The following MAST2 variants were observed in gnomAD, a reference collection of about 807,000 sequenced individuals.
The protein encoded by MAST2 is microtubule associated serine/threonine kinase 2.
A neutral mutation model predicts 147.4 loss-of-function variants in MAST2; 70 were observed. The ratio of observed to expected loss-of-function variants is 0.47; its 90% CI spans 0.39 to 0.58. MAST2 has a LOEUF of 0.58. Among genes scored for constraint, MAST2 ranks in the 20% least tolerant of loss-of-function variants. The probability of loss-of-function intolerance (pLI) is 0.00; values close to 1 mark genes in which losing one functional copy is unlikely to be tolerated. For missense variants in MAST2, 2,080 were observed against 2,302.3 expected (o/e 0.90, Z 1.98); for synonymous variants, 869 against 896.8 (o/e 0.97, Z 0.55).
At chr1:45,959,547 C>A in intron 5 of MAST2, 70 bp downstream of exon 5, 1 of 1,301,110 alleles carries the variant, frequency 7.7e-7, no homozygotes, top group Non-Finnish European at 1.1e-6. Context: ...TTTCCTACTT[C>A]TCATGTTGTG....
At chr1:45,856,728 A>G (rs891467456) in intron 3 of MAST2, among the ~76,000 whole-genome samples, 2 of 152,186 alleles carry the variant, frequency 1.3e-5, no homozygotes, top group Non-Finnish European at 2.9e-5. Flanking sequence ...AAAACAAACA[A>G]AAAAGAATCA....
At chr1:45,952,342 C>T (rs1422975185) in intron 4 of MAST2, among the ~76,000 whole-genome samples, 1 of 152,008 alleles carries the variant, frequency 6.6e-6, no homozygotes, top group Non-Finnish European at 1.5e-5. Context: ...ACAGTGAATC[C>T]ATAGAGACAG....
chr1:45,872,366 T>A (rs1041266485), intron 3 of MAST2, among the ~76,000 whole-genome samples: 10 of 152,212 alleles, frequency 6.6e-5, no homozygotes, highest in African/African-American at 2.4e-4. Context: ...TTACTGCCTT[T>A]GGACACTTGG....
At position 45,846,862 on chromosome 1, in the gene MAST2, T is replaced by C. The variant is rs182980212; in HGVS notation, c.468+17281T>C. The C allele has an allele frequency of 5.8e-3, 1,009 of 174,764 alleles. 11 individuals carry two copies. The highest frequency in any genetic ancestry group is 0.023 in the African/African-American group (973 of 41,614). 10.8% of individuals were successfully genotyped at this position (174,764 alleles called of 1,614,324 possible). A position where few individuals can be genotyped will look rare whatever the true frequency, so the allele number is the denominator to read the frequency against. ...AAATTAATAACACCATTTTTGAAAC[T>C]GCAAATGAAACTCTCATCATATAAG... On this transcript the variant is annotated intron_variant, in intron 3 of 28. Coordinates refer to ENST00000361297, the MANE Select transcript of MAST2 (RefSeq NM_015112.3).
chr1:45,814,081 T>A (rs896374810), intron 1 of MAST2, among the ~76,000 whole-genome samples: 2 of 152,236 alleles, frequency 1.3e-5, no homozygotes, highest in African/African-American at 2.4e-5. Context: ...TGCTGTGGTA[T>A]AAAGGTACAG....
intron 4 of MAST2, among the ~76,000 whole-genome samples, chr1:45,931,740 C>A (rs969123149): frequency 6.6e-6 from 1 of 152,098 alleles, no homozygotes; most frequent in Admixed American, 6.5e-5. Context: ...GTGATCCGCC[C>A]ACCTCAGCCT....
Position 46,023,815 on chromosome 1 carries a change from GC to G in MAST2, c.1617del (p.Met540Ter). 6.2e-7 allele frequency: 1 copy of G among 1,614,092 alleles called. No individual in the cohort carries two copies. Among genetic ancestry groups the G allele is most frequent in the Non-Finnish European group, 8.5e-7 (1 of 1,180,028 alleles). ...VRHKSTRQRF[A>X]MKKINKQNLI... ...GCACAAGTCCACCCGGCAGCGCTTTGCCATGAAGAAGATCAACAAGCAGAAC... is the reference window on the plus strand; with the variant it reads ...GCACAAGTCCACCCGGCAGCGCTTTGCATGAAGAAGATCAACAAGCAGAAC... On this transcript the variant is annotated frameshift_variant, in exon 15 of 29. Transcript: ENST00000361297. LOFTEE classifies it high-confidence loss of function. The surrounding 1 kb of genome is among the most constrained non-coding windows in gnomAD (Gnocchi z 4.9).
At chr1:45,991,134 C>T (rs749910650) in intron 5 of MAST2, among the ~76,000 whole-genome samples, 7 of 152,086 alleles carry the variant, frequency 4.6e-5, no homozygotes, top group Admixed American at 6.5e-5. Flanking sequence ...CAGCACCATT[C>T]GTCAATGAGA....
chr1:45,838,009 C>T (rs1456316562), intron 3 of MAST2, among the ~76,000 whole-genome samples: 10 of 151,976 alleles, frequency 6.6e-5, no homozygotes, highest in Admixed American at 6.6e-4. Flanking sequence ...GAACTCCTGA[C>T]CTCAGGGGAT....
At chr1:45,892,725 C>T (rs979994910) in intron 4 of MAST2, among the ~76,000 whole-genome samples, 1 of 152,168 alleles carries the variant, frequency 6.6e-6, no homozygotes, top group African/African-American at 2.4e-5. Context: ...GTAGAGCCTT[C>T]AGACAGGCCT....
chr1:45,871,944 G>A (rs1424552550), intron 3 of MAST2, among the ~76,000 whole-genome samples: 1 of 152,124 alleles, frequency 6.6e-6, no homozygotes, highest in Non-Finnish European at 1.5e-5. Flanking sequence ...TACCTAGGCT[G>A]GTCTCAAACT....
At chr1:45,873,359 A>AG (rs1426628036) in intron 3 of MAST2, among the ~76,000 whole-genome samples, 2 of 151,222 alleles carry the variant, frequency 1.3e-5, no homozygotes, top group Non-Finnish European at 3.0e-5. Flanking sequence ...CTCCTGGCTA[A>AG]TTTTTTTTGA....
intron 3 of MAST2, among the ~76,000 whole-genome samples, chr1:45,869,667 G>A (rs558225718): frequency 3.3e-5 from 5 of 152,230 alleles, no homozygotes; most frequent in South Asian, 4.1e-4. Context: ...TGTGTTATAC[G>A]TTAATTGGCC....
intron 4 of MAST2, chr1:45,917,676 A>C: frequency 1.8e-6 from 1 of 563,644 alleles, no homozygotes; most frequent in Non-Finnish European, 2.8e-6. Flanking sequence ...AATATCACAG[A>C]TTTCTGTTGT....
chr1:45,821,169 G>C (rs1644615016), intron 1 of MAST2, among the ~76,000 whole-genome samples: 1 of 151,882 alleles, frequency 6.6e-6, no homozygotes, highest in South Asian at 2.1e-4. Flanking sequence ...CAGAGTGTTG[G>C]GATTACAGGT....
intron 3 of MAST2, among the ~76,000 whole-genome samples, chr1:45,840,906 A>G (rs962075720): frequency 2.0e-5 from 3 of 152,118 alleles, no homozygotes; most frequent in Non-Finnish European, 4.4e-5. Flanking sequence ...GCATTGGGGG[A>G]TGGAACATTC....
chr1:45,984,463 C>T (rs1644535362), intron 5 of MAST2, among the ~76,000 whole-genome samples: 1 of 151,856 alleles, frequency 6.6e-6, no homozygotes, highest in Non-Finnish European at 1.5e-5. Flanking sequence ...CCACCACACC[C>T]AGCTAATAAT....
At chr1:45,976,552 C>G (rs1644168336) in intron 5 of MAST2, among the ~76,000 whole-genome samples, 1 of 152,152 alleles carries the variant, frequency 6.6e-6, no homozygotes. Flanking sequence ...TCACATTGTT[C>G]TAGTGGTGAT....
chr1:46,000,848 A>G (rs1177264934), intron 6 of MAST2: 1 of 669,698 alleles, frequency 1.5e-6, no homozygotes, highest in African/African-American at 1.9e-5. Flanking sequence ...AAACTATCAC[A>G]CATTCCTAAA....
Sources: gnomAD v4.1 joint callset for allele counts (sites outside exome capture counted in the v4.1 genomes callset) on GRCh38, gnomAD v4.1.1 for gene constraint, Gnocchi (gnomAD v3.1) non-coding constraint, MANE v1.5 for transcripts, NCBI Gene and HGNC (gene_info 2026-07-23, HGNC 2026-07-21) for gene names.